The following ERGIC1 variants were observed in gnomAD, a reference collection of about 807,000 sequenced individuals.
ERGIC1 encodes the protein endoplasmic reticulum-golgi intermediate compartment 1.
In ERGIC1, 19 loss-of-function variants were observed where a neutral mutation model predicts 38.3. The observed-to-expected ratio is 0.50, with a 90% CI of 0.35 to 0.73. The LOEUF is 0.73. Ranked by LOEUF, ERGIC1 falls within the 30% of genes least tolerant of loss-of-function variation. The pLI, the probability that ERGIC1 is intolerant of heterozygous loss-of-function variation, is 0.01. For missense variants in ERGIC1, 294 were observed against 389.2 expected, an observed-to-expected ratio of 0.76 and a Z score of 2.06; for synonymous variants, 124 against 157.6, an observed-to-expected ratio of 0.79 and a Z score of 1.60.
At chr5:172,925,532 T>A (rs1385116599) in intron 6 of ERGIC1, among the ~76,000 whole-genome samples, 1 of 152,210 alleles carries the variant, frequency 6.6e-6, no homozygotes, top group African/African-American at 2.4e-5. Context: ...TCAGGGATTA[T>A]GCCACCCCGC....
chr5:172,858,674 A>C lies in ERGIC1; in HGVS notation c.20+24241A>C, dbSNP rs11950179. Among the ~76,000 whole-genome samples the C allele has an allele frequency of 5.9e-3, 897 of 152,324 alleles. 9 individuals are homozygous for C. The highest frequency in any genetic ancestry group is 0.021 in the African/African-American group (873 of 41,574). On this transcript the variant is annotated intron_variant, in intron 1 of 9. Transcript: ENST00000393784. ...AGGACACGAGGAAAAGGCTGTTAGC[A>C]TAGGCCCTACTGCGTACCTGGCAGA...
intron 1 of ERGIC1, among the ~76,000 whole-genome samples, chr5:172,874,764 A>G (rs928047021): frequency 3.3e-5 from 5 of 151,914 alleles, no homozygotes; most frequent in African/African-American, 1.2e-4. Flanking sequence ...CGTCTCTACA[A>G]AAAAATACAA....
chr5:172,847,976 A>T (rs556363340), intron 1 of ERGIC1, among the ~76,000 whole-genome samples: 2 of 152,252 alleles, frequency 1.3e-5, no homozygotes, highest in South Asian at 4.1e-4. Context: ...TCTCACGAGC[A>T]TCTGGTGCCT....
chr5:172,876,581 G>C (rs1762143625), intron 1 of ERGIC1, among the ~76,000 whole-genome samples: 1 of 152,158 alleles, frequency 6.6e-6, no homozygotes, highest in East Asian at 1.9e-4. Flanking sequence ...TATTCAGACA[G>C]CTTTATTGAG....
At chr5:172,843,105 C>T (rs897913682) in intron 1 of ERGIC1, among the ~76,000 whole-genome samples, 1 of 152,174 alleles carries the variant, frequency 6.6e-6, no homozygotes, top group Non-Finnish European at 1.5e-5. Context: ...GAGATTGTGC[C>T]ACTGCACTCC....
At chr5:172,882,806 A>G (rs868445948) in intron 1 of ERGIC1, among the ~76,000 whole-genome samples, 10 of 152,024 alleles carry the variant, frequency 6.6e-5, no homozygotes, top group African/African-American at 2.4e-4. Flanking sequence ...GCAAAGACTT[A>G]CTCTGCCTGA....
intron 1 of ERGIC1, among the ~76,000 whole-genome samples, chr5:172,884,283 T>G (rs953232682): frequency 8.0e-6 from 1 of 125,430 alleles, no homozygotes; most frequent in Non-Finnish European, 1.6e-5. Context: ...AGACAGGGCC[T>G]CACCCTGTAG....
At chr5:172,909,053 G>T (rs1763135257) in intron 3 of ERGIC1, among the ~76,000 whole-genome samples, 1 of 152,106 alleles carries the variant, frequency 6.6e-6, no homozygotes, top group East Asian at 1.9e-4. Flanking sequence ...TCACAGAGGT[G>T]AGCATAGGAA....
intron 9 of ERGIC1, among the ~76,000 whole-genome samples, chr5:172,939,382 G>A (rs541890793): frequency 1.3e-3 from 196 of 152,314 alleles, no homozygotes; most frequent in Non-Finnish European, 1.6e-3. Flanking sequence ...GGAAGGGCCC[G>A]GGAAAGGGAA....
At chr5:172,922,589 G>T (rs1026108319) in intron 5 of ERGIC1, 2 of 152,566 alleles carry the variant, frequency 1.3e-5, no homozygotes, top group African/African-American at 4.8e-5. Flanking sequence ...AGGAAGGGGT[G>T]CAGGCACAAA....
At chr5:172,915,756 C>G (rs1207317675) in intron 5 of ERGIC1, 1 of 407,152 alleles carries the variant, frequency 2.5e-6, no homozygotes, top group Non-Finnish European at 5.2e-6. Context: ...TCTGCATGTC[C>G]CACAACTCCC....
At chr5:172,866,240 G>A (rs1223211121) in intron 1 of ERGIC1, among the ~76,000 whole-genome samples, 1 of 152,252 alleles carries the variant, frequency 6.6e-6, no homozygotes, top group Non-Finnish European at 1.5e-5. Flanking sequence ...GAGGCAGGAG[G>A]AGAGCAGAGT....
rs1032200344 is a variant in ERGIC1 at position 172,942,960 on chromosome 5, G to C, written c.765+7650G>C. 2.0e-5 allele frequency among the ~76,000 whole-genome samples: 3 copies of C among 152,176 alleles called. No homozygotes were observed. The East Asian group carries it at 5.8e-4, about 29-fold the overall frequency. ...GAAGCTATCTGTACATGAAGAGAGG[G>C]GCTAGGAAGAGTCTTCCGGCTGGGA... On this transcript the variant is annotated intron_variant, in intron 9 of 9. Transcript: ENST00000393784.
rs1265330839 is a variant in ERGIC1 at position 172,837,256 on chromosome 5, CTG to C, written c.20+2826_20+2827del. On this transcript the variant is annotated intron_variant, in intron 1 of 9. Coordinates refer to ENST00000393784, the MANE Select transcript of ERGIC1 (RefSeq NM_001031711.3). The surrounding 1 kb of genome is among the most constrained non-coding windows in gnomAD (Gnocchi z 4.3). The stretch of plus-strand genomic sequence containing the variant: ...GCAACTGAGTTCTGTGTTTTCCTGT[CTG>C]TGAAATGGGAATGAGGAGAGTACTC... Among the ~76,000 whole-genome samples, 2 of 152,158 alleles carry C rather than the reference CTG, an allele frequency of 1.3e-5. No individual in the cohort carries two copies.
chr5:172,951,131 AG>A lies in ERGIC1; in HGVS notation c.*319del, dbSNP rs1764221062. On this transcript the variant is annotated 3_prime_UTR_variant, in exon 10 of 10. Coordinates refer to ENST00000393784, the MANE Select transcript of ERGIC1 (RefSeq NM_001031711.3). Reference sequence around the variant, plus strand: ...TAGGAGAGCTGCAGTCTCTTCCCTCAGGGGAACATCCCAGAATGCATATCGA... The same window carrying A: ...TAGGAGAGCTGCAGTCTCTTCCCTCAGGGAACATCCCAGAATGCATATCGA... The A allele has an allele frequency of 4.2e-6, 1 of 236,874 alleles. No homozygotes were observed. The highest frequency in any genetic ancestry group is 5.7e-5 in the Admixed American group (1 of 17,688). 14.7% of individuals were successfully genotyped at this position (236,874 alleles called of 1,614,324 possible). A position where few individuals can be genotyped will look rare whatever the true frequency, so the allele number is the denominator to read the frequency against.
intron 1 of ERGIC1, among the ~76,000 whole-genome samples, chr5:172,845,831 C>T (rs1761271180): frequency 6.6e-6 from 1 of 152,086 alleles, no homozygotes; most frequent in South Asian, 2.1e-4. Context: ...GGATTTTGCC[C>T]ATTTTCCACT....
intron 1 of ERGIC1, among the ~76,000 whole-genome samples, chr5:172,843,092 G>A (rs905333342): frequency 1.3e-5 from 2 of 152,230 alleles, no homozygotes; most frequent in African/African-American, 4.8e-5. Context: ...GTTGCAGTGA[G>A]CCGAGATTGT....
At chr5:172,875,866 C>A (rs1309462166) in intron 1 of ERGIC1, among the ~76,000 whole-genome samples, 1 of 152,182 alleles carries the variant, frequency 6.6e-6, no homozygotes, top group Non-Finnish European at 1.5e-5. Context: ...CCATGCCTGG[C>A]CACGTCCTTT....
At chr5:172,847,689 ATTTTTAGTAGAGACGGGG>A (rs1761312584) in intron 1 of ERGIC1, among the ~76,000 whole-genome samples, 1 of 152,026 alleles carries the variant, frequency 6.6e-6, no homozygotes, top group African/African-American at 2.4e-5. Context: ...TAATTTTTGT[ATTTTTAGTAGAGACGGGG>A]TTTCGCCGTG....
Sources: allele counts gnomAD v4.1 joint callset (sites outside exome capture counted in the v4.1 genomes callset), GRCh38; gene constraint gnomAD v4.1.1; non-coding constraint Gnocchi (gnomAD v3.1); transcripts MANE v1.5; gene names NCBI Gene and HGNC (gene_info 2026-07-23, HGNC 2026-07-21).